SLC6A18: variants seen among roughly 807,000 people sequenced by gnomAD.
SLC6A18 encodes the protein inactive sodium-dependent neutral amino acid transporter B(0)AT3.
In SLC6A18, 58 loss-of-function variants were observed where a neutral mutation model predicts 62.9. The observed-to-expected ratio is 0.92, with a 90% CI of 0.75 to 1.15. The LOEUF (loss-of-function observed/expected upper bound fraction) is 1.15. Ranked by LOEUF, SLC6A18 falls within the 50% of genes most tolerant of loss-of-function variation. The pLI, the probability that SLC6A18 is intolerant of heterozygous loss-of-function variation, is 0.00. For missense variants in SLC6A18, 793 were observed against 836.6 expected, an observed-to-expected ratio of 0.95 and a Z score of 0.64; for synonymous variants, 382 against 365.8, an observed-to-expected ratio of 1.04 and a Z score of -0.51.
intron 3 of SLC6A18, among the ~76,000 whole-genome samples, chr5:1,233,595 T>C (rs1746795115): frequency 6.6e-6 from 1 of 151,406 alleles, no homozygotes; most frequent in Non-Finnish European, 1.5e-5. Context: ...CTTTTTTTTT[T>C]TTTTTTGGGA....
intron 3 of SLC6A18, among the ~76,000 whole-genome samples, chr5:1,233,834 C>T (rs1176586614): frequency 1.3e-5 from 2 of 151,644 alleles, no homozygotes; most frequent in African/African-American, 4.9e-5. Flanking sequence ...CTCTGCCTCC[C>T]AGGTTCACGC....
At chr5:1,244,432 G>T (rs752107599) in intron 10 of SLC6A18, 59 bp downstream of exon 10, 115 of 1,601,394 alleles carry the variant, frequency 7.2e-5, no homozygotes, top group Middle Eastern at 3.3e-4. Flanking sequence ...ACAGGGAATG[G>T]CTGCCGGGCA....
Position 1,244,682 on chromosome 5 carries a change from G to A in SLC6A18, c.1571G>A (p.Ser524Asn), listed in dbSNP as rs745868821. The A allele has an allele frequency of 2.1e-5, 34 of 1,613,078 alleles. No individual in the cohort carries two copies. The highest frequency in any genetic ancestry group is 2.6e-5 in the Non-Finnish European group (31 of 1,179,406). The change falls in exon 11 of 12, where the codon AGT (serine) becomes AAT (asparagine). Residue 524 changes from serine (S) to asparagine (N), a missense_variant. By Grantham distance (46) the Ser-to-Asn change is conservative. Transcript: ENST00000324642. ...PYWRLTWRVV[S>N]PLLLTIFVAY... ...TGGCGGCTGACCTGGAGGGTGGTCA[G>A]TCCCCTGCTGCTGACCATCTTTGTG... is the stretch of plus-strand genomic sequence containing the variant.
chr5:1,244,175 C>CCAACCCCAAA, intron 9 of SLC6A18, 39 bp from the exon 10 acceptor site: 4 of 893,906 alleles, frequency 4.5e-6, no homozygotes, highest in Non-Finnish European at 7.1e-6. Flanking sequence ...CTCCACTCCC[C>CCAACCCCAAA]ATCCCCTTAC....
intron 1 of SLC6A18, among the ~76,000 whole-genome samples, chr5:1,229,433 G>A (rs1746664696): frequency 6.6e-6 from 1 of 152,164 alleles, no homozygotes; most frequent in Admixed American, 6.6e-5. Context: ...ATCTTGTCAG[G>A]GTGGTCTCTG....
intron 1 of SLC6A18, among the ~76,000 whole-genome samples, chr5:1,231,634 C>G (rs1355057332): frequency 6.6e-6 from 1 of 152,208 alleles, no homozygotes; most frequent in Non-Finnish European, 1.5e-5. Flanking sequence ...GGGGAGCCAA[C>G]AGGCGACCTC....
At position 1,232,277 on chromosome 5, in the gene SLC6A18, C is replaced by G; in HGVS notation, c.219C>G (p.His73Gln). 1 of 1,613,010 alleles carries G rather than the reference C, an allele frequency of 6.2e-7. No individual in the cohort carries two copies. The highest frequency in any genetic ancestry group is 1.7e-5 in the Admixed American group (1 of 59,994). ...ALVFEGIPIF[H>Q]VELAIGQRLR... ...TCTTCGAGGGGATCCCCATTTTCCA[C>G]GTCGAGCTCGCCATCGGCCAGCGGC... Residue 73 changes from histidine to glutamine, a missense_variant, in exon 2 of 12, where the codon CAC becomes CAG. By Grantham distance (24) the His-to-Gln change is conservative. Coordinates refer to ENST00000324642, the MANE Select transcript of SLC6A18 (RefSeq NM_182632.3).
Position 1,232,846 on chromosome 5 carries a change from C to T in SLC6A18, c.397C>T (p.Pro133Ser). 1 of 1,613,210 alleles carries T rather than the reference C, an allele frequency of 6.2e-7. No individual in the cohort carries two copies. Among genetic ancestry groups the T allele is most frequent in the Non-Finnish European group, 8.5e-7 (1 of 1,179,950 alleles). Residue 133 changes from proline to serine, a missense_variant, in exon 3 of 12, where the codon CCG (proline) becomes TCG (serine). Pro to Ser is a moderately conservative substitution (Grantham distance 74). Coordinates refer to ENST00000324642, the MANE Select transcript of SLC6A18 (RefSeq NM_182632.3). ...LWYLLNSFQH[P>S]LPWSSCPPDL... ...GTACCTCCTCAACTCCTTCCAGCAC[C>T]CGCTGCCCTGGAGCTCCTGCCCACC...
intron 7 of SLC6A18, 39 bp downstream of exon 7, chr5:1,240,698 C>A (rs565049167): frequency 6.2e-7 from 1 of 1,608,824 alleles, no homozygotes; most frequent in East Asian, 2.2e-5. Flanking sequence ...TGGGGCACAG[C>A]CGCCAGACAG....
chr5:1,235,771 A>G, intron 4 of SLC6A18, 109 bp downstream of exon 4: 2 of 1,102,542 alleles, frequency 1.8e-6, no homozygotes. Context: ...GAGGGGCATA[A>G]ACATCTAGGA....
rs756538657 is a variant in SLC6A18 at position 1,244,325 on chromosome 5, T to C, written c.1448T>C (p.Leu483Ser). Residue 483 changes from leucine (L) to serine (S), a missense_variant, in exon 10 of 12, where the codon TTG becomes TCG. By Grantham distance (145) the Leu-to-Ser change is moderately radical. Coordinates refer to ENST00000324642, the MANE Select transcript of SLC6A18 (RefSeq NM_182632.3). ...GCCGCTTCCCCGAACCTGCTCATGT[T>C]GGCCTTTCTCGAGGTTGTGGGTGTC... The part of the protein sequence containing the change: ...NFAASPNLLM[L>S]AFLEVVGVVY... The C allele has an allele frequency of 6.2e-7, 1 of 1,614,168 alleles. No homozygotes were observed. The highest frequency in any genetic ancestry group is 8.5e-7 in the Non-Finnish European group (1 of 1,180,010).
rs1747052244 is a variant in SLC6A18, at chr5:1,241,204, T to C, written c.974+545T>C. On this transcript the variant is annotated intron_variant, in intron 7 of 11. Transcript: ENST00000324642. This position sits in a 1 kb window ranked among gnomAD's most constrained non-coding sequence, Gnocchi z 7.8. ...GACCTGATGCAGTTAGGTTGTCCCC[T>C]GCACAGGCAGCTGCCTCGTCAGACC... Among the ~76,000 whole-genome samples, 1 of 152,206 alleles carries C rather than the reference T, an allele frequency of 6.6e-6. No homozygotes were observed. The highest frequency in any genetic ancestry group is 2.1e-4 in the South Asian group (1 of 4,834).
In SLC6A18 at chr5:1,243,005, A is replaced by G; in HGVS notation, c.1131+142A>G. ...GCCTGTGAACCAAGAACCCCAGTCT[A>G]TCTTTGTCTCAGGTTGCCAGGCCTC... is the stretch of plus-strand genomic sequence containing the variant. On this transcript the variant is annotated intron_variant, in intron 8 of 11. Coordinates refer to ENST00000324642, the MANE Select transcript of SLC6A18 (RefSeq NM_182632.3). The surrounding 1 kb of genome is among the most constrained non-coding windows in gnomAD (Gnocchi z 6.5). 3.8e-6 allele frequency: 4 copies of G among 1,044,750 alleles called. No individual in the cohort carries two copies. Among genetic ancestry groups the G allele is most frequent in the East Asian group, 2.6e-5 (1 of 37,874 alleles). The allele number at this position is 1,044,750 out of a possible 1,614,324, so 64.7% of individuals were successfully genotyped here.
chr5:1,240,949 G>A (rs897943774), intron 7 of SLC6A18, among the ~76,000 whole-genome samples: 6 of 152,334 alleles, frequency 3.9e-5, no homozygotes, highest in African/African-American at 9.6e-5. Context: ...CAGACACAGA[G>A]GAGGAGGCCA....
chr5:1,235,410 T>G, intron 3 of SLC6A18, 71 bp from the exon 4 acceptor site: 9 of 1,504,280 alleles, frequency 6.0e-6, no homozygotes, highest in Non-Finnish European at 6.3e-6. Context: ...CCAGGGAAAT[T>G]GAGCTCAAGA....
At position 1,240,518 on chromosome 5, in the gene SLC6A18, C is replaced by A. The variant is rs1039746566; in HGVS notation, c.846-13C>A. The A allele has an allele frequency of 6.2e-7, 1 of 1,613,780 alleles. No homozygotes were observed. ...TCCTGCAAAGCCTGTGATGAGCGTG[C>A]GTTTGTGCCCAGGAATGACTGCCAG... On this transcript the variant is annotated splice_polypyrimidine_tract_variant and intron_variant, in intron 6 of 11. Transcript: ENST00000324642.
chr5:1,232,372 C>G lies in SLC6A18; in HGVS notation c.301+13C>G, dbSNP rs749781684. On this transcript the variant is annotated intron_variant, in intron 2 of 11. Coordinates refer to ENST00000324642, the MANE Select transcript of SLC6A18 (RefSeq NM_182632.3). ...CTCAGTGGAGTAGGTAGGCCACCGT[C>G]CTCGCTTGCCCTGACTGAGGCTGCC... 8.7e-6 allele frequency: 14 copies of G among 1,602,782 alleles called. No homozygotes were observed. The Admixed American group carries it at 2.4e-4, about 27-fold the overall frequency.
Position 1,225,501 on chromosome 5 carries a change from C to T in SLC6A18, c.24C>T (p.Asp8=), listed in dbSNP as rs1746530863. The T allele has an allele frequency of 1.2e-6, 2 of 1,613,088 alleles. No homozygotes were observed. Among genetic ancestry groups the T allele is most frequent in the African/African-American group, 1.3e-5 (1 of 75,028 alleles). ...CCATGGCTCATGCCCCAGAACCGGA[C>T]CCGGCCGCCTGCGACCTCGGGGATG... MAHAPEP[D]PAACDLGDER... is the part of the protein sequence containing the mutation. The change falls in exon 1 of 12, where the codon GAC becomes GAT. Residue 8 remains aspartate (D), a synonymous_variant. Transcript: ENST00000324642.
Position 1,225,640 on chromosome 5 carries a change from A to C in SLC6A18, c.160+3A>C, listed in dbSNP as rs1165176238. ...CCTGTGCCAGACCTATGGAGGAGGTAAGCACCCACCTGCGTCCTGGGGCAG... is the reference window on the plus strand; with the variant it reads ...CCTGTGCCAGACCTATGGAGGAGGTCAGCACCCACCTGCGTCCTGGGGCAG... On this transcript the variant is annotated splice_donor_region_variant and intron_variant, in intron 1 of 11. Coordinates refer to ENST00000324642, the MANE Select transcript of SLC6A18 (RefSeq NM_182632.3). The C allele has an allele frequency of 6.4e-7, 1 of 1,567,702 alleles. No individual in the cohort carries two copies. The highest frequency in any genetic ancestry group is 1.2e-5 in the South Asian group (1 of 83,318).
Sources: allele counts gnomAD v4.1 joint callset (sites outside exome capture counted in the v4.1 genomes callset), GRCh38; gene constraint gnomAD v4.1.1; non-coding constraint Gnocchi (gnomAD v3.1); transcripts MANE v1.5; gene names NCBI Gene and HGNC (gene_info 2026-07-23, HGNC 2026-07-21).